The following ZNF385D variants were observed in gnomAD, a reference collection of about 807,000 sequenced individuals.
ZNF385D encodes the protein zinc finger protein 659.
A neutral mutation model predicts 35.8 loss-of-function variants in ZNF385D; 15 were observed. That is an observed-to-expected ratio of 0.42 (90% CI 0.28 to 0.64). The LOEUF is 0.64. Ranked by LOEUF, ZNF385D falls within the 30% of genes least tolerant of loss-of-function variation. The pLI, the probability that ZNF385D is intolerant of heterozygous loss-of-function variation, is 0.23. For synonymous variants in ZNF385D, 212 were observed against 186.8 expected (o/e 1.13, Z -1.10); for missense variants, 474 against 494.6 (o/e 0.96, Z 0.39).
chr3:21,885,599 G>T (rs959859049), intron 3 of ZNF385D, among the ~76,000 whole-genome samples: 1 of 151,880 alleles, frequency 6.6e-6, no homozygotes, highest in South Asian at 2.1e-4. Context: ...TTGGTTATAA[G>T]ACATTTGCAA....
intron 4 of ZNF385D, among the ~76,000 whole-genome samples, chr3:21,498,625 T>C (rs796586304): frequency 7.9e-5 from 12 of 152,092 alleles, no homozygotes; most frequent in African/African-American, 2.2e-4. Context: ...CTAATCATTA[T>C]AGAAATGCAA....
At chr3:22,097,810 G>A (rs1048573009) in intron 3 of ZNF385D, among the ~76,000 whole-genome samples, 1 of 152,038 alleles carries the variant, frequency 6.6e-6, no homozygotes, top group African/African-American at 2.4e-5. Context: ...CCACATTTCT[G>A]TCTAGATACC....
chr3:21,461,146 A>T (rs1373145822), intron 4 of ZNF385D, among the ~76,000 whole-genome samples: 1 of 152,204 alleles, frequency 6.6e-6, no homozygotes, highest in African/African-American at 2.4e-5. Flanking sequence ...GTGAGAAAGG[A>T]ATGCAAAATG....
intron 2 of ZNF385D, among the ~76,000 whole-genome samples, chr3:22,349,231 C>A (rs1482768384): frequency 1.3e-5 from 2 of 152,116 alleles, no homozygotes; most frequent in Non-Finnish European, 2.9e-5. Context: ...AATAAACAAG[C>A]AAATACATGT....
At position 21,634,432 on chromosome 3, in the gene ZNF385D, A is replaced by G. The variant is rs574114399; in HGVS notation, c.165+30454T>C. Among the ~76,000 whole-genome samples the G allele has an allele frequency of 5.3e-5, 8 of 152,228 alleles. No homozygotes were observed. In the South Asian group the frequency reaches 1.7e-3, roughly 31 times the overall value. On this transcript the variant is annotated intron_variant, in intron 2 of 7. Transcript: ENST00000281523. ...AAGGGAACAATGGCTTTTCTTTTTC[A>G]TAATAAAAATAAGCCATAAAATGTA...
chr3:21,821,687 G>C (rs1211475562), intron 3 of ZNF385D, among the ~76,000 whole-genome samples: 2 of 152,126 alleles, frequency 1.3e-5, no homozygotes, highest in East Asian at 3.9e-4. Context: ...AGTTGGCTAG[G>C]TGTGGTGGCT....
At chr3:21,451,024 A>C (rs990674060) in intron 4 of ZNF385D, among the ~76,000 whole-genome samples, 1 of 152,056 alleles carries the variant, frequency 6.6e-6, no homozygotes, top group Non-Finnish European at 1.5e-5. Flanking sequence ...GATAAGACAG[A>C]ATTAGAAAGG....
intron 3 of ZNF385D, among the ~76,000 whole-genome samples, chr3:21,990,324 T>A (rs981528271): frequency 6.6e-6 from 1 of 152,272 alleles, no homozygotes; most frequent in African/African-American, 2.4e-5. Context: ...CAGTAGTTAT[T>A]TGGGAGCAAA....
intron 3 of ZNF385D, among the ~76,000 whole-genome samples, chr3:22,000,167 T>C (rs1671049504): frequency 6.6e-6 from 1 of 151,726 alleles, no homozygotes; most frequent in African/African-American, 2.4e-5. Context: ...TAGCCTGGCG[T>C]GGTGGTGGCT....
At chr3:22,254,539 A>C (rs1427150755) in intron 2 of ZNF385D, among the ~76,000 whole-genome samples, 1 of 151,850 alleles carries the variant, frequency 6.6e-6, no homozygotes, top group Non-Finnish European at 1.5e-5. Flanking sequence ...TCCTAAATAC[A>C]CAAATAGATT....
intron 3 of ZNF385D, among the ~76,000 whole-genome samples, chr3:22,146,436 C>G (rs1220295076): frequency 6.6e-6 from 1 of 152,012 alleles, no homozygotes; most frequent in Non-Finnish European, 1.5e-5. Flanking sequence ...TTTGCTTTCC[C>G]CTTTGTCTTA....
intron 2 of ZNF385D, among the ~76,000 whole-genome samples, chr3:22,305,183 AC>A (rs950501974): frequency 6.6e-6 from 1 of 152,100 alleles, no homozygotes; most frequent in Non-Finnish European, 1.5e-5. Context: ...TTTATTGAGA[AC>A]AAAAGCAGAT....
chr3:21,822,370 C>T (rs969846907), intron 3 of ZNF385D, among the ~76,000 whole-genome samples: 1 of 152,116 alleles, frequency 6.6e-6, no homozygotes, highest in African/African-American at 2.4e-5. Flanking sequence ...CCGCGCCCAG[C>T]CTGGCTAAAC....
intron 3 of ZNF385D, among the ~76,000 whole-genome samples, chr3:21,869,904 C>T (rs1203261125): frequency 1.3e-5 from 2 of 151,956 alleles, no homozygotes; most frequent in Non-Finnish European, 2.9e-5. Context: ...AACAATAGGG[C>T]ATTCTTTTAA....
chr3:22,255,416 TAC>T (rs770957714), intron 2 of ZNF385D, among the ~76,000 whole-genome samples: 34 of 151,882 alleles, frequency 2.2e-4, no homozygotes, highest in Non-Finnish European at 3.5e-4. Context: ...ATAACTTACT[TAC>T]ACACACTTAA....
At chr3:21,885,814 G>A (rs1281289036) in intron 3 of ZNF385D, among the ~76,000 whole-genome samples, 2 of 147,802 alleles carry the variant, frequency 1.4e-5, no homozygotes, top group South Asian at 2.2e-4. Flanking sequence ...AAAGAAATTG[G>A]CTCACACAAC....
intron 3 of ZNF385D, among the ~76,000 whole-genome samples, chr3:22,158,400 T>A (rs934091189): frequency 1.3e-5 from 2 of 152,078 alleles, no homozygotes; most frequent in Non-Finnish European, 2.9e-5. Context: ...AGGTCCAGTG[T>A]TTTATCTCAT....
intron 3 of ZNF385D, among the ~76,000 whole-genome samples, chr3:22,023,731 T>C (rs901133163): frequency 1.3e-5 from 2 of 152,124 alleles, no homozygotes; most frequent in Non-Finnish European, 2.9e-5. Flanking sequence ...TGGATTCTAA[T>C]ATACAGCAGG....
At chr3:22,184,142 G>A (rs1338567888) in intron 2 of ZNF385D, among the ~76,000 whole-genome samples, 3 of 152,126 alleles carry the variant, frequency 2.0e-5, no homozygotes, top group African/African-American at 2.4e-5. Flanking sequence ...ACATGTTCAA[G>A]TTGTGTGGCC....
Sources: allele counts gnomAD v4.1 joint callset (sites outside exome capture counted in the v4.1 genomes callset), GRCh38; gene constraint gnomAD v4.1.1; transcripts MANE v1.5; gene names NCBI Gene and HGNC (gene_info 2026-07-23, HGNC 2026-07-21).